TENM2: variants seen among roughly 807,000 people sequenced by gnomAD.
The protein encoded by TENM2 is teneurin-2.
A neutral mutation model predicts 245.2 loss-of-function variants in TENM2; 52 were observed. The observed-to-expected ratio is 0.21, with a 90% CI of 0.17 to 0.27. TENM2 has a LOEUF of 0.27. Ranked by LOEUF, TENM2 falls within the 10% of genes least tolerant of loss-of-function variation. The probability of loss-of-function intolerance (pLI) is 1.00; values close to 1 mark genes in which losing one functional copy is unlikely to be tolerated. For missense variants in TENM2, 3,046 were observed against 3,666.8 expected, an observed-to-expected ratio of 0.83 and a Z score of 4.37; for synonymous variants, 1,363 against 1,438.9, an observed-to-expected ratio of 0.95 and a Z score of 1.19.
the TENM2 span, among the ~76,000 whole-genome samples, chr5:167,094,493 T>C: frequency 6.6e-6 from 1 of 152,224 alleles, no homozygotes; most frequent in Non-Finnish European, 1.5e-5. Flanking sequence ...TGTTTATATC[T>C]TTTTATTTCT....
At chr5:167,371,138 A>G (rs1226491471) in intron 1 of TENM2, among the ~76,000 whole-genome samples, 1 of 152,126 alleles carries the variant, frequency 6.6e-6, no homozygotes, top group Non-Finnish European at 1.5e-5. Context: ...AAAACTGGGT[A>G]TGGTATGAGC....
chr5:167,933,206 G>A (rs147569032), intron 3 of TENM2, among the ~76,000 whole-genome samples: 1 of 152,292 alleles, frequency 6.6e-6, no homozygotes, highest in East Asian at 1.9e-4. Context: ...GCTTTTAGAA[G>A]GCATTTGCTC....
At chr5:167,649,019 G>A (rs1780161529) in intron 2 of TENM2, among the ~76,000 whole-genome samples, 1 of 152,096 alleles carries the variant, frequency 6.6e-6, no homozygotes, top group African/African-American at 2.4e-5. Flanking sequence ...TGGTTTCATT[G>A]GTAGTGAAAT....
chr5:167,182,264 C>A, the TENM2 span, among the ~76,000 whole-genome samples: 1 of 151,350 alleles, frequency 6.6e-6, no homozygotes, highest in Non-Finnish European at 1.5e-5. Flanking sequence ...ATTTTTTTTT[C>A]TAAATCCAAT....
At chr5:167,824,020 A>G (rs941468311) in intron 2 of TENM2, among the ~76,000 whole-genome samples, 15 of 152,054 alleles carry the variant, frequency 9.9e-5, no homozygotes, top group Non-Finnish European at 1.5e-5. Context: ...CAGGTTTGTG[A>G]TGGCTCCCCT....
chr5:167,342,504 A>ATTTT (rs1758165778), intron 1 of TENM2, among the ~76,000 whole-genome samples: 4 of 61,416 alleles, frequency 6.5e-5, no homozygotes, highest in African/African-American at 1.2e-4. Context: ...CTGTAAAGTT[A>ATTTT]TTCTTTTTTT....
At chr5:167,657,168 G>A (rs1211741505) in intron 2 of TENM2, among the ~76,000 whole-genome samples, 1 of 152,064 alleles carries the variant, frequency 6.6e-6, no homozygotes, top group African/African-American at 2.4e-5. Flanking sequence ...TAATCTCTAT[G>A]AGATCATGTT....
chr5:168,165,205 C>T (rs917312489), intron 13 of TENM2: 1 of 152,048 alleles, frequency 6.6e-6, no homozygotes, highest in Admixed American at 6.5e-5. Flanking sequence ...AGAGAAGTCA[C>T]TTTAATTCAT....
In TENM2 at chr5:168,139,656, G is replaced by T. The variant is rs1041140829; in HGVS notation, c.2422+12690G>T. 9.1e-6 allele frequency: 4 copies of T among 439,942 alleles called. No homozygotes were observed. In the Admixed American group the frequency reaches 1.0e-4, roughly 11 times the overall value. The allele number at this position is 439,942 out of a possible 1,614,324, so 27.3% of individuals were successfully genotyped here. ...TTCAGGGAAGGGGAGGGAGGGAAGA[G>T]CCTCTAGAAAGAGTTGTAAACTCAA... On this transcript the variant is annotated intron_variant, in intron 12 of 28. Coordinates refer to ENST00000518659, the Ensembl canonical transcript of TENM2.
intron 2 of TENM2, among the ~76,000 whole-genome samples, chr5:167,677,312 C>T (rs2168988): frequency 0.44 from 66,436 of 151,792 alleles, 17,554 homozygotes; most frequent in East Asian, 0.94. Flanking sequence ...TATTGCTTGT[C>T]ACACCACACA....
chr5:167,648,398 G>A (rs960580421), intron 2 of TENM2, among the ~76,000 whole-genome samples: 1 of 152,162 alleles, frequency 6.6e-6, no homozygotes, highest in Admixed American at 6.6e-5. Context: ...ATTATCTTTT[G>A]CTCACTATAT....
chr5:167,444,238 T>G (rs946405730), intron 2 of TENM2, among the ~76,000 whole-genome samples: 3 of 151,790 alleles, frequency 2.0e-5, no homozygotes, highest in Admixed American at 6.6e-5. Context: ...ACTTCCAATA[T>G]CCAGTAGATA....
chr5:167,894,448 T>G (rs937893616), intron 3 of TENM2, among the ~76,000 whole-genome samples: 3 of 69,846 alleles, frequency 4.3e-5, no homozygotes, highest in African/African-American at 1.1e-4. Flanking sequence ...CCATTCTCCT[T>G]TTCTCTCCCC....
intron 5 of TENM2, among the ~76,000 whole-genome samples, chr5:167,997,711 T>TA (rs1784158771): frequency 6.6e-6 from 1 of 152,328 alleles, no homozygotes; most frequent in African/African-American, 2.4e-5. Flanking sequence ...ATTTTCTTTT[T>TA]AAAAAATTTC....
intron 1 of TENM2, among the ~76,000 whole-genome samples, chr5:167,333,056 G>T (rs1333831920): frequency 6.6e-6 from 1 of 152,176 alleles, no homozygotes; most frequent in Non-Finnish European, 1.5e-5. Flanking sequence ...GTAGTGCGTG[G>T]ACTGGAAATT....
intron 13 of TENM2, among the ~76,000 whole-genome samples, chr5:168,167,638 C>T (rs1758423966): frequency 6.6e-6 from 1 of 152,140 alleles, no homozygotes; most frequent in African/African-American, 2.4e-5. Context: ...ATGTCTTTTC[C>T]CCTCGTTCCG....
upstream of TENM2, among the ~76,000 whole-genome samples, chr5:167,282,416 A>G (rs996163649): frequency 9.2e-5 from 14 of 152,196 alleles, no homozygotes; most frequent in Non-Finnish European, 7.3e-5. Flanking sequence ...GTCTTATGCA[A>G]GTCTGTAACT....
chr5:167,516,437 C>A (rs1688106214), intron 2 of TENM2, among the ~76,000 whole-genome samples: 1 of 152,114 alleles, frequency 6.6e-6, no homozygotes, highest in South Asian at 2.1e-4. Flanking sequence ...GCTCGTGTGC[C>A]TTTTTCCATC....
At chr5:167,546,468 TG>T (rs1161982850) in intron 2 of TENM2, among the ~76,000 whole-genome samples, 5 of 152,192 alleles carry the variant, frequency 3.3e-5, no homozygotes, top group Non-Finnish European at 2.9e-5. Flanking sequence ...AATCAAGAAA[TG>T]GAGTCTGGTG....
Sources: gnomAD v4.1 joint callset for allele counts (sites outside exome capture counted in the v4.1 genomes callset) on GRCh38, gnomAD v4.1.1 for gene constraint, MANE v1.5 for transcripts, NCBI Gene and HGNC (gene_info 2026-07-23, HGNC 2026-07-21) for gene names.